ASXL2: variants seen among roughly 807,000 people sequenced by gnomAD.
ASXL2 encodes the protein ASXL transcriptional regulator 2.
In ASXL2, 23 loss-of-function variants were observed where a neutral mutation model predicts 122.0. The observed-to-expected ratio is 0.19, with a 90% CI of 0.14 to 0.27. ASXL2 has a LOEUF of 0.27. Ranked by LOEUF, ASXL2 falls within the 10% of genes least tolerant of loss-of-function variation. ASXL2 has a pLI of 1.00. For missense variants in ASXL2, 1,518 were observed against 1,713.8 expected, an observed-to-expected ratio of 0.89 and a Z score of 2.02; for synonymous variants, 650 against 637.0, an observed-to-expected ratio of 1.02 and a Z score of -0.31.
At chr2:25,845,206 A>T (rs1465668545) in intron 2 of ASXL2, 2 of 396,862 alleles carry the variant, frequency 5.0e-6, no homozygotes, top group Non-Finnish European at 9.7e-6. Flanking sequence ...AGACAGATGA[A>T]GGCTTGAAGA....
intron 3 of ASXL2, among the ~76,000 whole-genome samples, chr2:25,808,626 C>T (rs921202353): frequency 8.5e-5 from 13 of 152,202 alleles, no homozygotes; most frequent in African/African-American, 3.1e-4. Flanking sequence ...GCCACTGCGC[C>T]TGGCCAAAAT....
intron 5 of ASXL2, among the ~76,000 whole-genome samples, chr2:25,778,504 C>T (rs1004256559): frequency 6.6e-6 from 1 of 152,200 alleles, no homozygotes; most frequent in African/African-American, 2.4e-5. Flanking sequence ...GCTTAAGCCG[C>T]TCACTGTGTG....
chr2:25,744,504 A>G lies in ASXL2; in HGVS notation c.1861-28T>C. 1.9e-6 allele frequency: 3 copies of G among 1,560,974 alleles called. No homozygotes were observed. The highest frequency in any genetic ancestry group is 2.6e-6 in the Non-Finnish European group (3 of 1,164,222). ...GAAAGAAGTAGAGGGGAAAAAAACA[A>G]CAGAGCTTAGTTTTCATTTGTAAGA... On this transcript the variant is annotated intron_variant, in intron 12 of 12. Coordinates refer to ENST00000435504, the MANE Select transcript of ASXL2 (RefSeq NM_018263.6). The surrounding 1 kb of genome is among the most constrained non-coding windows in gnomAD (Gnocchi z 4.7).
chr2:25,750,194 C>A lies in ASXL2; in HGVS notation c.1362G>T (p.Gln454His), dbSNP rs187726099. ...KEECESQGEV[Q>H]PNFSTSSEPL... ...GCTCTGAAGATGTGGAGAAGTTCGG[C>A]TGCACTTCACCTTGGCTTTCACACT... Residue 454 changes from glutamine to histidine, a missense_variant, in exon 12 of 13, where the codon CAG becomes CAT. By Grantham distance (24) the Gln-to-His change is conservative. Transcript: ENST00000435504. 2 of 1,613,948 alleles carry A rather than the reference C, an allele frequency of 1.2e-6. No individual in the cohort carries two copies. Among genetic ancestry groups the A allele is most frequent in the Non-Finnish European group, 1.7e-6 (2 of 1,179,876 alleles).
chr2:25,878,462 T>A lies in ASXL2; in HGVS notation c.-240A>T. ...CGCCGCTGCCATATTGGGTTCTTAC[T>A]GTACAGGCTGCCGCTACGGTCATGT... On this transcript the variant is annotated 5_prime_UTR_variant, in exon 1 of 13. Coordinates refer to ENST00000435504, the MANE Select transcript of ASXL2 (RefSeq NM_018263.6). 1 of 539,350 alleles carries A rather than the reference T, an allele frequency of 1.9e-6. No individual in the cohort carries two copies. The highest frequency in any genetic ancestry group is 3.3e-6 in the Non-Finnish European group (1 of 304,164). The allele number at this position is 539,350 out of a possible 1,614,324, so 33.4% of individuals were successfully genotyped here. A position where few individuals can be genotyped will look rare whatever the true frequency, so the allele number is the denominator to read the frequency against.
At chr2:25,810,015 C>T in intron 3 of ASXL2, 2 of 544,450 alleles carry the variant, frequency 3.7e-6, no homozygotes, top group Non-Finnish European at 7.2e-6. Flanking sequence ...TCTTCCAAGT[C>T]ATCAGTTGTC....
intron 5 of ASXL2, among the ~76,000 whole-genome samples, chr2:25,797,961 T>C (rs1366965681): frequency 6.6e-6 from 1 of 152,236 alleles, no homozygotes; most frequent in Non-Finnish European, 1.5e-5. Context: ...TTATTCATAA[T>C]TGCCAAAACT....
intron 3 of ASXL2, among the ~76,000 whole-genome samples, chr2:25,807,139 A>C (rs1334928764): frequency 1.3e-5 from 2 of 152,204 alleles, no homozygotes; most frequent in Non-Finnish European, 2.9e-5. Context: ...CGTGGTCTGA[A>C]GTCTCTGGAG....
chr2:25,790,431 C>A (rs964784644), intron 5 of ASXL2, among the ~76,000 whole-genome samples: 23 of 147,614 alleles, frequency 1.6e-4, no homozygotes, highest in African/African-American at 5.5e-4. Flanking sequence ...TAAAAAAAAA[C>A]ATAAAAAAAG....
In ASXL2 at chr2:25,832,484, A is replaced by G. The variant is rs561077000; in HGVS notation, c.143+3054T>C. On this transcript the variant is annotated intron_variant, in intron 3 of 12. Coordinates refer to ENST00000435504, the MANE Select transcript of ASXL2 (RefSeq NM_018263.6). ...TAGAGGAAACAGAAAACAAAAAAAC[A>G]AAAAGGCAAACTCACCTATCAACAA... Among the ~76,000 whole-genome samples, 229 of 152,338 alleles carry G rather than the reference A, an allele frequency of 1.5e-3. 3 individuals are homozygous for G. The highest frequency in any genetic ancestry group is 5.3e-3 in the African/African-American group (220 of 41,584).
chr2:25,769,803 C>A lies in ASXL2; in HGVS notation c.505-935G>T, dbSNP rs536193321. 2.6e-5 allele frequency among the ~76,000 whole-genome samples: 4 copies of A among 152,240 alleles called. No individual in the cohort carries two copies. The East Asian group carries it at 7.7e-4, about 29-fold the overall frequency. ...GGAGTAACTGGCTACTTCTGGTTTC[C>A]TATTTTCTTTTCCCAATAGTTTCCT... On this transcript the variant is annotated intron_variant, in intron 6 of 12. Coordinates refer to ENST00000435504, the MANE Select transcript of ASXL2 (RefSeq NM_018263.6).
In ASXL2 at chr2:25,768,689, TA is replaced by T. The variant is rs1475614766; in HGVS notation, c.631+52del. ...CATAAACAAATCAGGAAAACCAACA[TA>T]AAAATACTAGGAAAAAGAAACTTCC... On this transcript the variant is annotated intron_variant, in intron 7 of 12. Transcript: ENST00000435504. The T allele has an allele frequency of 2.5e-6, 4 of 1,585,072 alleles. No individual in the cohort carries two copies. In the East Asian group the frequency reaches 9.0e-5, roughly 35 times the overall value.
intron 5 of ASXL2, among the ~76,000 whole-genome samples, chr2:25,791,464 GC>G (rs1480927003): frequency 2.0e-5 from 3 of 150,492 alleles, no homozygotes; most frequent in African/African-American, 7.3e-5. Context: ...TCCAGCCTGG[GC>G]GACAAGAGCA....
intron 1 of ASXL2, among the ~76,000 whole-genome samples, chr2:25,852,346 G>A (rs966896053): frequency 6.6e-6 from 1 of 152,102 alleles, no homozygotes; most frequent in South Asian, 2.1e-4. Context: ...TAACACTCGA[G>A]AATAACTGAG....
intron 8 of ASXL2, among the ~76,000 whole-genome samples, chr2:25,760,500 G>A (rs575939105): frequency 6.6e-6 from 1 of 152,196 alleles, no homozygotes; most frequent in Non-Finnish European, 1.5e-5. Context: ...TTCAAATGCT[G>A]CTGATGGGGC....
chr2:25,818,149 T>A lies in ASXL2; in HGVS notation c.144-11812A>T, dbSNP rs568704977. On this transcript the variant is annotated intron_variant, in intron 3 of 12. Coordinates refer to ENST00000435504, the MANE Select transcript of ASXL2 (RefSeq NM_018263.6). ...CAAACCTATGATAGAATGGCTCACC[T>A]GTTAAAATTTATCTTTCATTTAGAG... Among the ~76,000 whole-genome samples the A allele has an allele frequency of 8.5e-5, 13 of 152,348 alleles. No homozygotes were observed. The South Asian group carries it at 2.7e-3, about 32-fold the overall frequency.
rs780366879 is a variant in ASXL2, at chr2:25,735,345, A to T, written c.*6684T>A. On this transcript the variant is annotated 3_prime_UTR_variant, in exon 13 of 13. Coordinates refer to ENST00000435504, the MANE Select transcript of ASXL2 (RefSeq NM_018263.6). ...GGTTCCTGGACAGAGACTACGTTAC[A>T]TAGTGGAATACACCAAATTCTTCTT... is the stretch of plus-strand genomic sequence containing the variant. The T allele has an allele frequency of 3.9e-5, 6 of 152,258 alleles. No homozygotes were observed. Among genetic ancestry groups the T allele is most frequent in the Non-Finnish European group, 5.9e-5 (4 of 68,038 alleles). 9.4% of individuals were successfully genotyped at this position (152,258 alleles called of 1,614,324 possible).
At chr2:25,808,102 A>G (rs2089112194) in intron 3 of ASXL2, among the ~76,000 whole-genome samples, 1 of 151,788 alleles carries the variant, frequency 6.6e-6, no homozygotes, top group Non-Finnish European at 1.5e-5. Context: ...GGGGGGAAAA[A>G]AAACAACCAA....
intron 1 of ASXL2, among the ~76,000 whole-genome samples, chr2:25,859,780 AG>A (rs1441363933): frequency 3.3e-5 from 5 of 152,234 alleles, no homozygotes; most frequent in Non-Finnish European, 7.3e-5. Context: ...CTCAGACTAC[AG>A]TGGAATTTAA....
Sources: gnomAD v4.1 joint callset for allele counts (sites outside exome capture counted in the v4.1 genomes callset) on GRCh38, gnomAD v4.1.1 for gene constraint, Gnocchi (gnomAD v3.1) non-coding constraint, MANE v1.5 for transcripts, NCBI Gene and HGNC (gene_info 2026-07-23, HGNC 2026-07-21) for gene names.